Variants in VWF observed in about 807,000 individuals in gnomAD.
The protein encoded by VWF is Factor VIII related antigen.
VWF carries 176 observed loss-of-function variants against 308.6 expected under a neutral mutation model. The observed-to-expected ratio is 0.57, with a 90% CI of 0.50 to 0.65. VWF has a LOEUF of 0.65. Ranked by LOEUF, VWF falls within the 30% of genes least tolerant of loss-of-function variation. The probability of loss-of-function intolerance (pLI) is 0.00; values close to 1 mark genes in which losing one functional copy is unlikely to be tolerated. For synonymous variants in VWF, 1,385 were observed against 1,443.4 expected, an observed-to-expected ratio of 0.96 and a Z score of 0.92; for missense variants, 3,146 against 3,648.2, an observed-to-expected ratio of 0.86 and a Z score of 3.55.
rs3819539 is a variant in VWF, at chr12:5,976,281, G to A, written c.7288-21C>T. On this transcript the variant is annotated intron_variant, in intron 42 of 51. Transcript: ENST00000261405. ...CACACCTGTAGACATAAGTTTTCGT[G>A]AGTGAACTCATTTGTTTCATTGAAA... 0.086 allele frequency: 139,503 copies of A among 1,613,704 alleles called. 6,911 individuals carry two copies. The highest frequency in any genetic ancestry group is 0.23 in the East Asian group (10,124 of 44,864).
intron 6 of VWF, among the ~76,000 whole-genome samples, chr12:6,091,890 T>C (rs950721259): frequency 1.3e-5 from 2 of 152,188 alleles, no homozygotes; most frequent in Admixed American, 6.5e-5. Flanking sequence ...AGCTGGCGAC[T>C]TGGGGCAGCT....
At chr12:6,014,621 C>G (rs1421516474) in intron 31 of VWF, among the ~76,000 whole-genome samples, 10 of 152,170 alleles carry the variant, frequency 6.6e-5, no homozygotes, top group Non-Finnish European at 1.3e-4. Flanking sequence ...TTGGAATTGC[C>G]ATTTTCTAAG....
At position 6,034,765 on chromosome 12, in the gene VWF, T is replaced by C; in HGVS notation, c.2608A>G (p.Ile870Val). 3 of 1,614,204 alleles carry C rather than the reference T, an allele frequency of 1.9e-6. 1 individual carries two copies. The highest frequency in any genetic ancestry group is 3.3e-4 in the Middle Eastern group (2 of 6,062). The change falls in exon 20 of 52, where the codon ATC becomes GTC. Residue 870 changes from isoleucine (I) to valine (V), a missense_variant. Around this residue, in one of 3 missense-constraint regions of VWF, gnomAD observed 1,304 missense variants for 1,353.0 expected, o/e 0.96. Transcript: ENST00000261405. ...DHVCDATCST[I>V]GMAHYLTFDG... Reference sequence around the variant, plus strand: ...AAGGTGAGGTAGTGGGCCATGCCGATCGTGGAGCACGTGGCATCACACACA... The same window carrying C: ...AAGGTGAGGTAGTGGGCCATGCCGACCGTGGAGCACGTGGCATCACACACA...
Position 5,975,933 on chromosome 12 carries a change from G to A in VWF, c.7437+178C>T, listed in dbSNP as rs115014122. ...TAAAGAACCTTTCTTGCCCTTCCTC[G>A]TGAACCCGGGAGGCAGAGCTTGCAG... On this transcript the variant is annotated intron_variant, in intron 43 of 51. Coordinates refer to ENST00000261405, the MANE Select transcript of VWF (RefSeq NM_000552.5). 1.9e-3 allele frequency among the ~76,000 whole-genome samples: 284 copies of A among 151,878 alleles called. 2 individuals are homozygous for A. The highest frequency in any genetic ancestry group is 6.0e-3 in the African/African-American group (248 of 41,362).
Position 6,075,419 on chromosome 12 carries a change from C to G in VWF, c.790G>C (p.Ala264Pro), listed in dbSNP as rs145476045. 1.5e-5 allele frequency: 25 copies of G among 1,614,060 alleles called. No individual in the cohort carries two copies. The South Asian group carries it at 2.7e-4, about 18-fold the overall frequency. The change falls in exon 7 of 52, where the codon GCC becomes CCC. Residue 264 changes from alanine to proline, a missense_variant. Around this residue, in one of 3 missense-constraint regions of VWF, gnomAD observed 1,304 missense variants for 1,353.0 expected, o/e 0.96. Transcript: ENST00000261405. The surrounding 1 kb of genome is among the most constrained non-coding windows in gnomAD (Gnocchi z 4.7). Reference protein sequence around the residue: ...LCECAGGLECACPALLEYART... With the variant: ...LCECAGGLECPCPALLEYART... ...GCGTACTCCAGGAGGGCAGGGCAGG[C>G]GCACTCCAGCCCCCCAGCACACTCA...
chr12:5,962,303 T>G (rs1437584805), intron 47 of VWF, among the ~76,000 whole-genome samples: 1 of 152,142 alleles, frequency 6.6e-6, no homozygotes, highest in Non-Finnish European at 1.5e-5. Context: ...CCGGCACACT[T>G]TAAACATTTT....
At position 6,013,440 on chromosome 12, in the gene VWF, CT is replaced by C. The variant is rs66506062; in HGVS notation, c.5620+40del. On this transcript the variant is annotated intron_variant, in intron 32 of 51. Coordinates refer to ENST00000261405, the MANE Select transcript of VWF (RefSeq NM_000552.5). ...TTTCTTTGGCGGGTTTATTTTGGAA[CT>C]TTTTTTTGAGGGAAGTAAGAAAGGT... 0.01 allele frequency: 16,836 copies of C among 1,609,362 alleles called. 1,343 individuals are homozygous for C. In the African/African-American group the frequency reaches 0.19, roughly 18 times the overall value.
At chr12:6,000,517 C>G (rs1049607193) in intron 34 of VWF, among the ~76,000 whole-genome samples, 1 of 152,042 alleles carries the variant, frequency 6.6e-6, no homozygotes, top group Non-Finnish European at 1.5e-5. Context: ...CTTAAGATAT[C>G]TACTAGAGAC....
At chr12:5,978,497 C>A (rs1316665508) in intron 42 of VWF, among the ~76,000 whole-genome samples, 2 of 152,180 alleles carry the variant, frequency 1.3e-5, no homozygotes, top group African/African-American at 4.8e-5. Context: ...CTCCCAACTT[C>A]AGGTAACCCG....
At position 6,016,759 on chromosome 12, in the gene VWF, T is replaced by C. The variant is rs372748722; in HGVS notation, c.5165A>G (p.Asn1722Ser). ...CAGGTGCCTCGCTCACCCACCTATA[T>C]TGGCTTTTGAAATGAAAGCCTTGGC... is the stretch of plus-strand genomic sequence containing the variant. ...SFAKAFISKA[N>S]IGPRLTQVSV... Residue 1722 changes from asparagine to serine, a missense_variant, in exon 29 of 52, where the codon AAT becomes AGT. Physicochemically the swap from Asn to Ser is conservative, Grantham distance 46. This residue lies in a region of VWF where 853 missense variants were observed against 1,177.8 expected (regional missense o/e 0.72). Transcript: ENST00000261405. 1.5e-5 allele frequency: 24 copies of C among 1,614,124 alleles called. No individual in the cohort carries two copies. Among genetic ancestry groups the C allele is most frequent in the Non-Finnish European group, 1.9e-5 (23 of 1,180,056 alleles).
At chr12:5,950,978 A>G (rs1006551144) in intron 50 of VWF, among the ~76,000 whole-genome samples, 1 of 152,208 alleles carries the variant, frequency 6.6e-6, no homozygotes, top group African/African-American at 2.4e-5. Context: ...AGGGGCTGTC[A>G]AGAATGAATG....
chr12:6,010,417 A>G (rs1352254414), intron 34 of VWF, among the ~76,000 whole-genome samples: 1 of 152,228 alleles, frequency 6.6e-6, no homozygotes, highest in Non-Finnish European at 1.5e-5. Context: ...AGTTTTGCAC[A>G]ACCACATCTC....
chr12:6,060,144 C>T lies in VWF; in HGVS notation c.1534-2100G>A, dbSNP rs1298024951. Among the ~76,000 whole-genome samples, 1 of 152,136 alleles carries T rather than the reference C, an allele frequency of 6.6e-6. No homozygotes were observed. The highest frequency in any genetic ancestry group is 1.9e-4 in the East Asian group (1 of 5,170). ...TAGAGACTCTCTTAGTGTCACTTAG[C>T]GACACTCACTATTTGAAATAAACCT... On this transcript the variant is annotated intron_variant, in intron 13 of 51. Transcript: ENST00000261405. The surrounding 1 kb of genome is among the most constrained non-coding windows in gnomAD (Gnocchi z 5.1).
chr12:5,951,281 C>T (rs1943187049), intron 50 of VWF, among the ~76,000 whole-genome samples: 2 of 152,100 alleles, frequency 1.3e-5, no homozygotes, highest in Admixed American at 6.5e-5. Flanking sequence ...GACATAACTA[C>T]GAGGTAAAGA....
chr12:6,044,482 A>G, intron 17 of VWF, 31 bp from the exon 18 acceptor site: 1 of 1,610,530 alleles, frequency 6.2e-7, no homozygotes. Flanking sequence ...AGAGATGATT[A>G]GTGAAGGAGA....
At chr12:6,025,185 G>A (rs906429222) in intron 24 of VWF, among the ~76,000 whole-genome samples, 6 of 152,186 alleles carry the variant, frequency 3.9e-5, no homozygotes, top group African/African-American at 1.2e-4. Context: ...GGCACCAAGG[G>A]GTTTTAGGGG....
At chr12:6,106,476 G>A (rs113644469) in intron 5 of VWF, among the ~76,000 whole-genome samples, 2,019 of 152,300 alleles carry the variant, frequency 0.013, 49 homozygotes, top group African/African-American at 0.046. Flanking sequence ...TAAAGTTTCA[G>A]TTCTGCAAGA....
At chr12:6,007,905 C>T (rs1290129080) in intron 34 of VWF, among the ~76,000 whole-genome samples, 1 of 152,062 alleles carries the variant, frequency 6.6e-6, no homozygotes, top group African/African-American at 2.4e-5. Context: ...TAGTAAGAGA[C>T]TACTATGAAC....
At chr12:5,962,741 G>T (rs1361272926) in intron 47 of VWF, among the ~76,000 whole-genome samples, 1 of 151,882 alleles carries the variant, frequency 6.6e-6, no homozygotes, top group East Asian at 1.9e-4. Flanking sequence ...AGTAGAGAAG[G>T]GGTTTCACCA....
Sources: allele counts gnomAD v4.1 joint callset (sites outside exome capture counted in the v4.1 genomes callset), GRCh38; gene constraint gnomAD v4.1.1; regional missense constraint gnomAD v4.1.1; non-coding constraint Gnocchi (gnomAD v3.1); transcripts MANE v1.5; gene names NCBI Gene and HGNC (gene_info 2026-07-23, HGNC 2026-07-21).